The following CNTNAP5 variants were observed in gnomAD, a reference collection of about 807,000 sequenced individuals.
The protein encoded by CNTNAP5 is contactin-associated protein-like 5.
In CNTNAP5, 72 loss-of-function variants were observed where a neutral mutation model predicts 150.2. The observed-to-expected ratio is 0.48, with a 90% CI of 0.40 to 0.58. The LOEUF is 0.58. Ranked by LOEUF, CNTNAP5 falls within the 20% of genes least tolerant of loss-of-function variation. The pLI is 0.00. For missense variants in CNTNAP5, 1,636 were observed against 1,626.2 expected, an observed-to-expected ratio of 1.01 and a Z score of -0.10; for synonymous variants, 672 against 619.8, an observed-to-expected ratio of 1.08 and a Z score of -1.25.
chr2:124,920,703 C>T lies in CNTNAP5; in HGVS notation c.*6415C>T, dbSNP rs1678855130. Among the ~76,000 whole-genome samples, 1 of 152,092 alleles carries T rather than the reference C, an allele frequency of 6.6e-6. No homozygotes were observed. Among genetic ancestry groups the T allele is most frequent in the African/African-American group, 2.4e-5 (1 of 41,432 alleles). On this transcript the variant is annotated 3_prime_UTR_variant, in exon 24 of 24. Coordinates refer to ENST00000682447, the MANE Select transcript of CNTNAP5 (RefSeq NM_001367498.1). ...ATAAATGAATACCCATGGCCATGTT[C>T]CAATATAACTTTATTTACAAAATCT...
At chr2:124,841,307 A>G (rs1372198754) in intron 19 of CNTNAP5, among the ~76,000 whole-genome samples, 1 of 151,980 alleles carries the variant, frequency 6.6e-6, no homozygotes, top group Non-Finnish European at 1.5e-5. Context: ...CAAATTGCTC[A>G]GCAAGTACTT....
At chr2:124,047,842 T>A (rs1172911193) in intron 1 of CNTNAP5, among the ~76,000 whole-genome samples, 1 of 152,162 alleles carries the variant, frequency 6.6e-6, no homozygotes, top group Admixed American at 6.5e-5. Flanking sequence ...GGTAAAGAGC[T>A]AGTACCTGCC....
At chr2:124,052,665 T>G (rs1049300398) in intron 1 of CNTNAP5, among the ~76,000 whole-genome samples, 1 of 152,148 alleles carries the variant, frequency 6.6e-6, no homozygotes, top group African/African-American at 2.4e-5. Context: ...TACTGCATCT[T>G]CCCCCTGAGT....
At chr2:124,150,897 C>T (rs1684390335) in intron 1 of CNTNAP5, among the ~76,000 whole-genome samples, 1 of 152,106 alleles carries the variant, frequency 6.6e-6, no homozygotes, top group Non-Finnish European at 1.5e-5. Context: ...GCCCCCTGTC[C>T]CTTCTGAAGA....
chr2:124,210,308 C>T (rs1462842324), intron 1 of CNTNAP5, among the ~76,000 whole-genome samples: 1 of 152,090 alleles, frequency 6.6e-6, no homozygotes, highest in Non-Finnish European at 1.5e-5. Context: ...AATGTGGGAC[C>T]ATTTATCACC....
intron 12 of CNTNAP5, among the ~76,000 whole-genome samples, chr2:124,620,311 C>T (rs1489160310): frequency 1.3e-5 from 2 of 152,088 alleles, no homozygotes; most frequent in Non-Finnish European, 2.9e-5. Flanking sequence ...AAATCAATAA[C>T]AGTTTGGGAT....
intron 14 of CNTNAP5, among the ~76,000 whole-genome samples, chr2:124,757,221 A>T (rs1172063141): frequency 1.3e-5 from 2 of 152,212 alleles, no homozygotes. Flanking sequence ...GACTCCCAGA[A>T]ATCCTGTCAA....
intron 19 of CNTNAP5, among the ~76,000 whole-genome samples, chr2:124,811,681 C>A (rs1457291905): frequency 7.8e-6 from 1 of 128,160 alleles, no homozygotes; most frequent in Non-Finnish European, 1.6e-5. Flanking sequence ...GTGGCTCATG[C>A]CTGTAATCCC....
At chr2:124,522,085 C>G (rs571117700) in intron 8 of CNTNAP5, among the ~76,000 whole-genome samples, 2 of 152,288 alleles carry the variant, frequency 1.3e-5, no homozygotes, top group South Asian at 4.1e-4. Context: ...AGATGGGTCA[C>G]AGCTGCCCAG....
At chr2:124,279,124 GCTGT>G (rs1558831798) in intron 3 of CNTNAP5, among the ~76,000 whole-genome samples, 1 of 151,902 alleles carries the variant, frequency 6.6e-6, no homozygotes, top group Admixed American at 6.6e-5. Flanking sequence ...GATTGACGCC[GCTGT>G]CTGAGCATGA....
At chr2:124,654,616 G>A (rs1035080254) in intron 13 of CNTNAP5, among the ~76,000 whole-genome samples, 8 of 152,064 alleles carry the variant, frequency 5.3e-5, no homozygotes, top group Middle Eastern at 3.2e-3. Flanking sequence ...TTCTTGCTGC[G>A]GCCCACTTTC....
chr2:124,709,628 T>G (rs7585695), intron 13 of CNTNAP5, among the ~76,000 whole-genome samples: 6,346 of 152,210 alleles, frequency 0.042, 481 homozygotes, highest in African/African-American at 0.15. Context: ...TATAAGACTA[T>G]GAATCATAAT....
chr2:124,845,429 G>T (rs78368797), intron 19 of CNTNAP5, among the ~76,000 whole-genome samples: 1 of 147,702 alleles, frequency 6.8e-6, no homozygotes, highest in East Asian at 2.0e-4. Flanking sequence ...GGGGATATTG[G>T]TCTGTAGTAT....
intron 3 of CNTNAP5, among the ~76,000 whole-genome samples, chr2:124,361,512 A>G (rs1360406982): frequency 4.1e-5 from 6 of 145,854 alleles, no homozygotes; most frequent in Non-Finnish European, 9.0e-5. Context: ...TCTGTTTGTT[A>G]GTTTTCCTTC....
chr2:124,089,877 T>C (rs991840530), intron 1 of CNTNAP5, among the ~76,000 whole-genome samples: 5 of 152,228 alleles, frequency 3.3e-5, no homozygotes, highest in Admixed American at 1.3e-4. Flanking sequence ...TTCATGCACA[T>C]GCTTCAAATC....
intron 13 of CNTNAP5, among the ~76,000 whole-genome samples, chr2:124,720,038 G>C (rs923140957): frequency 6.6e-6 from 1 of 152,108 alleles, no homozygotes; most frequent in African/African-American, 2.4e-5. Context: ...AAGAATTAGG[G>C]ACAGCCAAGC....
At chr2:124,370,059 C>T (rs573245131) in intron 3 of CNTNAP5, among the ~76,000 whole-genome samples, 8 of 152,054 alleles carry the variant, frequency 5.3e-5, no homozygotes, top group Non-Finnish European at 1.2e-4. Flanking sequence ...TAATTAAAGA[C>T]AATGTATAAC....
chr2:124,475,125 G>A (rs1344732010), intron 7 of CNTNAP5, among the ~76,000 whole-genome samples: 1 of 151,344 alleles, frequency 6.6e-6, no homozygotes, highest in South Asian at 2.1e-4. Flanking sequence ...TTTTGACTGT[G>A]GGTCATATTT....
At position 124,304,230 on chromosome 2, in the gene CNTNAP5, T is replaced by A. The variant is rs1282675737; in HGVS notation, c.381+61837T>A. Among the ~76,000 whole-genome samples, 5 of 152,264 alleles carry A rather than the reference T, an allele frequency of 3.3e-5. No individual in the cohort carries two copies. The East Asian group carries it at 9.7e-4, about 29-fold the overall frequency. ...GCAAATCATTAGAAACATAAGTAAT[T>A]ATAATTTCTATGCTAAGGAGAAGTA... is the stretch of plus-strand genomic sequence containing the variant. On this transcript the variant is annotated intron_variant, in intron 3 of 23. Transcript: ENST00000682447.
Sources: gnomAD v4.1 joint callset for allele counts (sites outside exome capture counted in the v4.1 genomes callset) on GRCh38, gnomAD v4.1.1 for gene constraint, MANE v1.5 for transcripts, NCBI Gene and HGNC (gene_info 2026-07-23, HGNC 2026-07-21) for gene names.